The following ZNF438 variants were observed in gnomAD, a reference collection of about 807,000 sequenced individuals.
The protein encoded by ZNF438 is zinc finger protein 438.
A neutral mutation model predicts 38.0 loss-of-function variants in ZNF438; 25 were observed. The observed-to-expected ratio is 0.66, with a 90% CI of 0.48 to 0.92. The LOEUF is 0.92. ZNF438 is among the 40% of genes least tolerant of loss of function. ZNF438 has a pLI of 0.00. For missense variants in ZNF438, 1,007 were observed against 999.6 expected (o/e 1.01, Z -0.10); for synonymous variants, 372 against 364.1 (o/e 1.02, Z -0.25).
chr10:30,895,946 C>G (rs1248166329), intron 3 of ZNF438, among the ~76,000 whole-genome samples: 5 of 151,892 alleles, frequency 3.3e-5, no homozygotes, highest in African/African-American at 1.2e-4. Context: ...TATAGCAGTA[C>G]CTCAAAAAAT....
chr10:30,875,695 T>G (rs2038305629), intron 4 of ZNF438, among the ~76,000 whole-genome samples: 1 of 152,226 alleles, frequency 6.6e-6, no homozygotes, highest in Non-Finnish European at 1.5e-5. Flanking sequence ...CTGGATTTTG[T>G]GTGAGTCTCA....
intron 1 of ZNF438, among the ~76,000 whole-genome samples, chr10:31,017,423 C>T (rs976519784): frequency 1.3e-5 from 2 of 152,176 alleles, no homozygotes; most frequent in African/African-American, 4.8e-5. Context: ...CCAAGGGTTG[C>T]TTTAGGTGTC....
intron 4 of ZNF438, among the ~76,000 whole-genome samples, chr10:30,874,289 T>C (rs1472582666): frequency 1.3e-5 from 2 of 151,586 alleles, no homozygotes; most frequent in Non-Finnish European, 2.9e-5. Context: ...GCTGGGACTA[T>C]AGGCATGAGC....
chr10:30,940,072 G>C (rs2046657307), intron 2 of ZNF438, among the ~76,000 whole-genome samples: 1 of 152,186 alleles, frequency 6.6e-6, no homozygotes, highest in African/African-American at 2.4e-5. Context: ...ATGGCAACCA[G>C]GAGTGCAGAA....
In ZNF438 at chr10:30,875,365, T is replaced by C. The variant is rs989306128; in HGVS notation, c.37+1633A>G. 45 of 985,158 alleles carry C rather than the reference T, an allele frequency of 4.6e-5. No individual in the cohort carries two copies. In the African/African-American group the frequency reaches 7.3e-4, roughly 16 times the overall value. 61.0% of individuals were successfully genotyped at this position (985,158 alleles called of 1,614,324 possible). On this transcript the variant is annotated intron_variant, in intron 4 of 5. Transcript: ENST00000413025. The stretch of plus-strand genomic sequence containing the variant: ...GCCTGAAAGGAACACCTAGTCATTC[T>C]CGATTTTTCAATGAGAAAACTGAGG...
chr10:30,948,855 A>G (rs2135716640), intron 1 of ZNF438, among the ~76,000 whole-genome samples: 1 of 150,958 alleles, frequency 6.6e-6, no homozygotes, highest in East Asian at 1.9e-4. Context: ...AACTTCCCCA[A>G]TCTAGCAAGG....
intron 1 of ZNF438, among the ~76,000 whole-genome samples, chr10:31,007,696 T>G (rs1396973047): frequency 6.6e-6 from 1 of 152,208 alleles, no homozygotes; most frequent in Non-Finnish European, 1.5e-5. Context: ...CAAGATAACA[T>G]ATATAAAGTA....
chr10:31,001,885 G>C (rs1378272720), intron 1 of ZNF438, among the ~76,000 whole-genome samples: 2 of 152,220 alleles, frequency 1.3e-5, no homozygotes, highest in Non-Finnish European at 1.5e-5. Context: ...GGTAGGGACT[G>C]ATTCATACAC....
At chr10:30,849,269 G>C (rs940874754) in exon 5 of ZNF438, 5 of 1,613,890 alleles carry the variant, frequency 3.1e-6, no homozygotes, top group Non-Finnish European at 4.2e-6. Context: ...TCTCTTTGCT[G>C]CTCCACTGTT....
At chr10:30,882,225 A>G (rs1477669479) in intron 3 of ZNF438, among the ~76,000 whole-genome samples, 3 of 152,212 alleles carry the variant, frequency 2.0e-5, no homozygotes. Context: ...CCAATTTACA[A>G]TGGGCTAAAG....
intron 4 of ZNF438, among the ~76,000 whole-genome samples, chr10:30,855,318 C>T (rs374329874): frequency 2.0e-5 from 3 of 152,158 alleles, no homozygotes; most frequent in Admixed American, 1.3e-4. Flanking sequence ...AAACTGAGTC[C>T]GTGCTCCTCA....
intron 4 of ZNF438, among the ~76,000 whole-genome samples, chr10:30,855,012 A>C (rs938777334): frequency 2.6e-5 from 4 of 152,228 alleles, no homozygotes; most frequent in Non-Finnish European, 5.9e-5. Flanking sequence ...TCTGACAGTT[A>C]AGGTTTCCAG....
chr10:30,951,013 A>G (rs1245206899), intron 1 of ZNF438, among the ~76,000 whole-genome samples: 1 of 139,314 alleles, frequency 7.2e-6, no homozygotes, highest in Non-Finnish European at 1.6e-5. Context: ...AATACTGGCA[A>G]AACGAATCCA....
chr10:30,899,846 T>A (rs1447195797), intron 3 of ZNF438, among the ~76,000 whole-genome samples: 1 of 152,132 alleles, frequency 6.6e-6, no homozygotes, highest in Non-Finnish European at 1.5e-5. Flanking sequence ...ACGTAGAAAA[T>A]TATCCTTTTG....
intron 1 of ZNF438, among the ~76,000 whole-genome samples, chr10:30,945,754 A>G (rs1217158693): frequency 1.6e-5 from 2 of 124,450 alleles, no homozygotes; most frequent in Non-Finnish European, 3.3e-5. Context: ...ATGGCTGCAT[A>G]GTATTCCATG....
intron 3 of ZNF438, among the ~76,000 whole-genome samples, chr10:30,890,376 G>C (rs2040533935): frequency 6.6e-6 from 1 of 152,158 alleles, no homozygotes; most frequent in South Asian, 2.1e-4. Flanking sequence ...CAACTCATCT[G>C]GTTCTAACTA....
At chr10:30,978,680 T>A (rs1474254138) in intron 1 of ZNF438, among the ~76,000 whole-genome samples, 1 of 152,188 alleles carries the variant, frequency 6.6e-6, no homozygotes, top group Non-Finnish European at 1.5e-5. Context: ...AGTAAATTTA[T>A]CTCTTCTCAC....
At chr10:30,849,895 C>T in exon 5 of ZNF438, 2 of 1,614,074 alleles carry the variant, frequency 1.2e-6, no homozygotes, top group African/African-American at 1.3e-5. Flanking sequence ...TGGGTTTGTA[C>T]AGGAGTTCAG....
At chr10:30,902,080 T>C (rs183437241) in intron 3 of ZNF438, among the ~76,000 whole-genome samples, 35 of 152,232 alleles carry the variant, frequency 2.3e-4, no homozygotes, top group Admixed American at 2.2e-3. Context: ...GCAGCAAGAT[T>C]TATTGCATAG....
Sources: gnomAD v4.1 joint callset for allele counts (sites outside exome capture counted in the v4.1 genomes callset) on GRCh38, gnomAD v4.1.1 for gene constraint, MANE v1.5 for transcripts, NCBI Gene and HGNC (gene_info 2026-07-23, HGNC 2026-07-21) for gene names.